The following HS6ST3 variants were observed in gnomAD, a reference collection of about 807,000 sequenced individuals.
The protein encoded by HS6ST3 is heparan-sulfate 6-O-sulfotransferase 3.
Under a neutral mutation model 36.7 loss-of-function variants are expected in HS6ST3, and 12 were observed. That is an observed-to-expected ratio of 0.33 (90% CI 0.21 to 0.53). The LOEUF (loss-of-function observed/expected upper bound fraction) is 0.53. HS6ST3 is among the 20% of genes least tolerant of loss of function. HS6ST3 has a pLI of 0.95. For synonymous variants in HS6ST3, 240 were observed against 257.5 expected (o/e 0.93, Z 0.65); for missense variants, 584 against 640.9 (o/e 0.91, Z 0.96).
chr13:96,261,044 A>G (rs1244132569), intron 1 of HS6ST3, among the ~76,000 whole-genome samples: 4 of 152,202 alleles, frequency 2.6e-5, no homozygotes. Flanking sequence ...TCATAAGAAC[A>G]ACAATTCATA....
chr13:96,388,866 G>T (rs183122559), intron 1 of HS6ST3, among the ~76,000 whole-genome samples: 1 of 152,262 alleles, frequency 6.6e-6, no homozygotes, highest in African/African-American at 2.4e-5. Context: ...CATCAGGATT[G>T]TAAGTTTTCT....
At chr13:96,427,528 T>C (rs992552049) in intron 1 of HS6ST3, among the ~76,000 whole-genome samples, 1 of 151,824 alleles carries the variant, frequency 6.6e-6, no homozygotes, top group East Asian at 1.9e-4. Context: ...CATATTACTT[T>C]TATAATACAT....
intron 1 of HS6ST3, among the ~76,000 whole-genome samples, chr13:96,136,587 T>C (rs114970894): frequency 0.02 from 3,049 of 151,546 alleles, 90 homozygotes; most frequent in African/African-American, 0.068. Flanking sequence ...CCAGGCCCCA[T>C]CTCCAACACT....
intron 1 of HS6ST3, among the ~76,000 whole-genome samples, chr13:96,149,423 C>T (rs1213874066): frequency 2.0e-5 from 3 of 152,104 alleles, no homozygotes; most frequent in Non-Finnish European, 4.4e-5. Flanking sequence ...TGTGACCTCC[C>T]ATTTTCCTGT....
intron 1 of HS6ST3, among the ~76,000 whole-genome samples, chr13:96,227,787 C>A (rs2054488060): frequency 6.6e-6 from 1 of 152,108 alleles, no homozygotes; most frequent in African/African-American, 2.4e-5. Context: ...GTGCAGAAGG[C>A]CTTCATTGCA....
intron 1 of HS6ST3, among the ~76,000 whole-genome samples, chr13:96,487,869 G>T (rs1442353212): frequency 1.3e-5 from 2 of 151,952 alleles, no homozygotes; most frequent in African/African-American, 4.8e-5. Context: ...TTGGTTTTTT[G>T]TCTATTGCCA....
intron 1 of HS6ST3, among the ~76,000 whole-genome samples, chr13:96,546,773 G>A (rs564059103): frequency 6.6e-6 from 1 of 152,216 alleles, no homozygotes; most frequent in African/African-American, 2.4e-5. Flanking sequence ...TGGTGCCCCA[G>A]GTGAATCTCA....
intron 1 of HS6ST3, among the ~76,000 whole-genome samples, chr13:96,291,896 C>A (rs1168839037): frequency 6.6e-6 from 1 of 152,088 alleles, no homozygotes; most frequent in Non-Finnish European, 1.5e-5. Context: ...CTTGTTCATA[C>A]CATGGAGTAC....
intron 1 of HS6ST3, among the ~76,000 whole-genome samples, chr13:96,662,388 G>T (rs1420402184): frequency 6.6e-6 from 1 of 151,994 alleles, no homozygotes; most frequent in Non-Finnish European, 1.5e-5. Flanking sequence ...CCTTGGTCTA[G>T]TCTATTGTTG....
intron 1 of HS6ST3, among the ~76,000 whole-genome samples, chr13:96,271,330 A>G (rs1429462892): frequency 6.6e-6 from 1 of 151,934 alleles, no homozygotes; most frequent in Non-Finnish European, 1.5e-5. Context: ...TTTCTCATAT[A>G]ATTAATTTAA....
At chr13:96,398,399 C>T (rs923912739) in intron 1 of HS6ST3, among the ~76,000 whole-genome samples, 2 of 152,128 alleles carry the variant, frequency 1.3e-5, no homozygotes, top group Non-Finnish European at 2.9e-5. Context: ...TCTCCTGCCT[C>T]AGCCTCCCAA....
intron 1 of HS6ST3, among the ~76,000 whole-genome samples, chr13:96,773,712 G>A (rs1026541030): frequency 6.6e-6 from 1 of 152,154 alleles, no homozygotes; most frequent in Non-Finnish European, 1.5e-5. Context: ...ACCTCCCTGG[G>A]ACAGAGCACC....
chr13:96,746,751 A>G (rs975806791), intron 1 of HS6ST3, among the ~76,000 whole-genome samples: 9 of 152,058 alleles, frequency 5.9e-5, no homozygotes, highest in Admixed American at 3.3e-4. Flanking sequence ...ATCCCCTGGA[A>G]CTCTAATCTA....
intron 1 of HS6ST3, among the ~76,000 whole-genome samples, chr13:96,582,116 T>C (rs2056343995): frequency 6.6e-6 from 1 of 152,174 alleles, no homozygotes; most frequent in Non-Finnish European, 1.5e-5. Context: ...TTAAAGAAAA[T>C]GCTCTTCATT....
chr13:96,370,464 T>TA (rs2055284005), intron 1 of HS6ST3, among the ~76,000 whole-genome samples: 1 of 152,200 alleles, frequency 6.6e-6, no homozygotes, highest in Admixed American at 6.5e-5. Flanking sequence ...AGCATAACAA[T>TA]ATGGAAACCC....
chr13:96,800,978 C>T (rs1878052331), intron 1 of HS6ST3, among the ~76,000 whole-genome samples: 1 of 152,100 alleles, frequency 6.6e-6, no homozygotes, highest in Non-Finnish European at 1.5e-5. Flanking sequence ...ATTTCTCAGC[C>T]ATCCTTTAAT....
chr13:96,250,222 G>C (rs2054601807), intron 1 of HS6ST3, among the ~76,000 whole-genome samples: 2 of 152,208 alleles, frequency 1.3e-5, no homozygotes, highest in African/African-American at 2.4e-5. Flanking sequence ...CTTCAGCAGA[G>C]GTAGTGTTCT....
At chr13:96,427,839 C>G (rs2055594956) in intron 1 of HS6ST3, among the ~76,000 whole-genome samples, 1 of 152,118 alleles carries the variant, frequency 6.6e-6, no homozygotes, top group African/African-American at 2.4e-5. Context: ...TTGGACTTGT[C>G]TTGCTTTCTT....
chr13:96,395,157 A>G (rs2055414603), intron 1 of HS6ST3, among the ~76,000 whole-genome samples: 1 of 152,182 alleles, frequency 6.6e-6, no homozygotes. Flanking sequence ...TCCTTTTTCC[A>G]GCACTGAGCT....
Sources: gnomAD v4.1 joint callset for allele counts (sites outside exome capture counted in the v4.1 genomes callset) on GRCh38, gnomAD v4.1.1 for gene constraint, MANE v1.5 for transcripts, NCBI Gene and HGNC (gene_info 2026-07-23, HGNC 2026-07-21) for gene names.